The following FPGT variants were observed in gnomAD, a reference collection of about 807,000 sequenced individuals.
FPGT encodes the protein GDP-L-fucose diphosphorylase.
In FPGT, 41 loss-of-function variants were observed where a neutral mutation model predicts 45.8. That is an observed-to-expected ratio of 0.90 (90% CI 0.70 to 1.16). The LOEUF is 1.16. Among genes scored for constraint, FPGT ranks in the 50% most tolerant of loss-of-function variants. FPGT has a pLI of 0.00. For synonymous variants in FPGT, 292 were observed against 247.2 expected (o/e 1.18, Z -1.70); for missense variants, 755 against 689.1 (o/e 1.10, Z -1.07).
rs1651402915 is a variant in FPGT, at chr1:74,198,322, C to G, written c.44C>G (p.Ala15Gly). 1.2e-6 allele frequency: 2 copies of G among 1,614,144 alleles called. No individual in the cohort carries two copies. The highest frequency in any genetic ancestry group is 1.7e-6 in the Non-Finnish European group (2 of 1,180,026). The stretch of plus-strand genomic sequence containing the variant: ...CCTCCGGAAGTATCGCTGCGAGAAG[C>G]CACCCAGCGAAAATTGCGGAGGTTT... Reference protein sequence around the residue: ...RDPPEVSLREATQRKLRRFSE... With the variant: ...RDPPEVSLREGTQRKLRRFSE... The change falls in exon 1 of 4, where the codon GCC (alanine) becomes GGC (glycine). Residue 15 changes from alanine to glycine, a missense_variant. Transcript: ENST00000370898.
rs1652451042 is a variant in FPGT, at chr1:74,208,402, T to G, written c.*2570T>G. Reference sequence around the variant, plus strand: ...AAAGATAATTTTTTTCTGAGTTTTATCAGCAGTAGAAAAATAAGACCTACA... The same window carrying G: ...AAAGATAATTTTTTTCTGAGTTTTAGCAGCAGTAGAAAAATAAGACCTACA... On this transcript the variant is annotated 3_prime_UTR_variant, in exon 4 of 4. Transcript: ENST00000370898. Among the ~76,000 whole-genome samples the G allele has an allele frequency of 6.6e-6, 1 of 152,048 alleles. No individual in the cohort carries two copies.
rs1000113417 is a variant in FPGT at position 74,206,413 on chromosome 1, A to G, written c.*581A>G. The G allele has an allele frequency of 6.6e-6, 1 of 152,174 alleles. No individual in the cohort carries two copies. The highest frequency in any genetic ancestry group is 1.5e-5 in the Non-Finnish European group (1 of 67,994). 9.4% of individuals were successfully genotyped at this position (152,174 alleles called of 1,614,324 possible). Reference sequence around the variant, plus strand: ...ATAAAATTTGTATCTCATTAATTTTATCAAAATGAAACTAAAAGTACATAT... The same window carrying G: ...ATAAAATTTGTATCTCATTAATTTTGTCAAAATGAAACTAAAAGTACATAT... On this transcript the variant is annotated 3_prime_UTR_variant, in exon 4 of 4. Coordinates refer to ENST00000370898, the MANE Select transcript of FPGT (RefSeq NM_003838.5).
intron 3 of FPGT, among the ~76,000 whole-genome samples, chr1:74,204,117 C>T (rs1294772909): frequency 6.6e-6 from 1 of 150,892 alleles, no homozygotes; most frequent in African/African-American, 2.4e-5. Flanking sequence ...ACATGTAATT[C>T]AAAACATTTC....
In FPGT at chr1:74,208,320, A is replaced by G. The variant is rs997223700; in HGVS notation, c.*2488A>G. On this transcript the variant is annotated 3_prime_UTR_variant, in exon 4 of 4. Coordinates refer to ENST00000370898, the MANE Select transcript of FPGT (RefSeq NM_003838.5). ...GAGGAGAAGTGTGTTTTTGATAAGA[A>G]GTGACTAAATTTTGTGACAATCTTA... Among the ~76,000 whole-genome samples the G allele has an allele frequency of 2.6e-5, 4 of 152,008 alleles. No individual in the cohort carries two copies. Among genetic ancestry groups the G allele is most frequent in the Non-Finnish European group, 5.9e-5 (4 of 67,950 alleles).
Position 74,205,714 on chromosome 1 carries a change from T to C in FPGT, c.1667T>C (p.Leu556Pro). The change falls in exon 4 of 4, where the codon CTG becomes CCG. Residue 556 changes from leucine (L) to proline (P), a missense_variant. Physicochemically the swap from Leu to Pro is moderately conservative, Grantham distance 98. Transcript: ENST00000370898. ...NAVKNKSAFS[L>P]NSYKLLSIEE... is the part of the protein sequence containing the mutation. ...GTTAAGAACAAGTCAGCATTCAGCCTGAATAGCTATAAGTTGCTGTCCATT... is the reference window on the plus strand; with the variant it reads ...GTTAAGAACAAGTCAGCATTCAGCCCGAATAGCTATAAGTTGCTGTCCATT... The C allele has an allele frequency of 6.2e-7, 1 of 1,609,884 alleles. No homozygotes were observed. Among genetic ancestry groups the C allele is most frequent in the Admixed American group, 1.7e-5 (1 of 60,008 alleles).
In FPGT at chr1:74,206,779, T is replaced by TA. The variant is rs1652315685; in HGVS notation, c.*950dup. 1 of 152,118 alleles carries TA rather than the reference T, an allele frequency of 6.6e-6. No homozygotes were observed. Among genetic ancestry groups the TA allele is most frequent in the Non-Finnish European group, 1.5e-5 (1 of 67,974 alleles). The allele number at this position is 152,118 out of a possible 1,614,324, so 9.4% of individuals were successfully genotyped here. ...AAAAACTGAGATAATACACAGGTGA[T>TA]AAACAGTTTCGAGAAAATAAAAATT... On this transcript the variant is annotated 3_prime_UTR_variant, in exon 4 of 4. Transcript: ENST00000370898.
rs750735574 is a variant in FPGT, at chr1:74,199,838, G to A, written c.250+7G>A. On this transcript the variant is annotated splice_region_variant and intron_variant, in intron 2 of 3. Coordinates refer to ENST00000370898, the MANE Select transcript of FPGT (RefSeq NM_003838.5). ...CCTGCTGGAGCCAAAATTGGTACGC[G>A]CTTTATGGTCAGTTTTATAATATAG... is the stretch of plus-strand genomic sequence containing the variant. 55 of 1,612,314 alleles carry A rather than the reference G, an allele frequency of 3.4e-5. 1 individual carries two copies. Among genetic ancestry groups the A allele is most frequent in the Non-Finnish European group, 3.8e-5 (45 of 1,179,542 alleles).
In FPGT at chr1:74,205,916, A is replaced by G; in HGVS notation, c.*84A>G. The G allele has an allele frequency of 6.8e-6, 5 of 733,664 alleles. No homozygotes were observed. The South Asian group carries it at 9.3e-5, about 14-fold the overall frequency. 45.4% of individuals were successfully genotyped at this position (733,664 alleles called of 1,614,324 possible). On this transcript the variant is annotated 3_prime_UTR_variant, in exon 4 of 4. Transcript: ENST00000370898. ...TTTTGTAGGCTGTTTCACTGAACTC[A>G]GTTAATGAAAACTGTATTAACATAA...
At position 74,204,054 on chromosome 1, in the gene FPGT, AC is replaced by A. The variant is rs1165440089; in HGVS notation, c.344-336del. ...AAGACTTCATCTCAAAAAAAAAAAA[AC>A]AAATGTAGATGCAACATCATGTTTT... On this transcript the variant is annotated intron_variant, in intron 3 of 3. Coordinates refer to ENST00000370898, the MANE Select transcript of FPGT (RefSeq NM_003838.5). Among the ~76,000 whole-genome samples the A allele has an allele frequency of 1.9e-3, 290 of 149,160 alleles. 1 individual carries two copies. The highest frequency in any genetic ancestry group is 6.6e-3 in the African/African-American group (272 of 41,048).
At chr1:74,199,609 GC>G in intron 1 of FPGT, 54 bp from the exon 2 acceptor site, 2 of 1,572,330 alleles carry the variant, frequency 1.3e-6, no homozygotes. Context: ...CAAACCTGTG[GC>G]AACTAGAAAA....
chr1:74,199,764 G>T lies in FPGT; in HGVS notation c.183G>T (p.Leu61=). 4 of 1,614,138 alleles carry T rather than the reference G, an allele frequency of 2.5e-6. No individual in the cohort carries two copies. The highest frequency in any genetic ancestry group is 3.4e-6 in the Non-Finnish European group (4 of 1,180,014). Residue 61 remains leucine (L), a synonymous_variant, in exon 2 of 4, where the codon CTG becomes CTT. Transcript: ENST00000370898. ...ACAACCAACAGCTGTCAGAAAAGCTGAAAAGAAAGGAGTTACCCCTTGGAG... is the reference window on the plus strand; with the variant it reads ...ACAACCAACAGCTGTCAGAAAAGCTTAAAAGAAAGGAGTTACCCCTTGGAG... ...LAYNQQLSEK[L]KRKELPLGVQ... is the part of the protein sequence containing the mutation.
chr1:74,203,478 G>A (rs1020348722), intron 3 of FPGT, among the ~76,000 whole-genome samples: 4 of 151,096 alleles, frequency 2.6e-5, no homozygotes, highest in East Asian at 2.0e-4. Context: ...TGCAAGCTTC[G>A]CCTCCCGGGT....
rs1652410515 is a variant in FPGT, at chr1:74,207,889, A to G, written c.*2057A>G. 6.6e-6 allele frequency among the ~76,000 whole-genome samples: 1 copy of G among 152,090 alleles called. No individual in the cohort carries two copies. The highest frequency in any genetic ancestry group is 1.5e-5 in the Non-Finnish European group (1 of 67,974). ...TTTTAACCTAATCTGAATTTTAATC[A>G]TAATCCTGTACAATGCATGGATTCT... is the stretch of plus-strand genomic sequence containing the variant. On this transcript the variant is annotated 3_prime_UTR_variant, in exon 4 of 4. Coordinates refer to ENST00000370898, the MANE Select transcript of FPGT (RefSeq NM_003838.5).
At chr1:74,200,058 A>T (rs526736) in intron 2 of FPGT, among the ~76,000 whole-genome samples, 62,814 of 152,110 alleles carry the variant, frequency 0.41, 14,387 homozygotes, top group East Asian at 0.73. Context: ...ACTTAAAAGA[A>T]AATTTTATTA....
At chr1:74,199,859 T>C (rs779095739) in intron 2 of FPGT, 28 bp downstream of exon 2, 7 of 1,609,518 alleles carry the variant, frequency 4.3e-6, no homozygotes, top group African/African-American at 1.3e-5. Flanking sequence ...AGTTTTATAA[T>C]ATAGGTCCTA....
At chr1:74,198,409 G>A (rs200593681) in intron 1 of FPGT, 49 bp downstream of exon 1, 9 of 1,603,824 alleles carry the variant, frequency 5.6e-6, no homozygotes, top group Non-Finnish European at 6.8e-6. Context: ...GAGGGAGGGT[G>A]CTTTTACGTG....
At chr1:74,201,159 T>G (rs1369901386) in intron 2 of FPGT, among the ~76,000 whole-genome samples, 159 bp from the exon 3 acceptor site, 1 of 152,220 alleles carries the variant, frequency 6.6e-6, no homozygotes, top group African/African-American at 2.4e-5. Context: ...ATGAGATGTT[T>G]TTAATTTTGT....
At position 74,204,817 on chromosome 1, in the gene FPGT, A is replaced by C. The variant is rs1333919975; in HGVS notation, c.770A>C (p.Asp257Ala). The C allele has an allele frequency of 5.0e-6, 8 of 1,613,708 alleles. No homozygotes were observed. In the Admixed American group the frequency reaches 1.3e-4, roughly 27 times the overall value. ...TGTCAACAGGACTTTGCTGGGGGTGACATTGCCGATCTTAAATTAGACTCT... is the reference window on the plus strand; with the variant it reads ...TGTCAACAGGACTTTGCTGGGGGTGCCATTGCCGATCTTAAATTAGACTCT... ...NFCQQDFAGG[D>A]IADLKLDSDY... Residue 257 changes from aspartate to alanine, a missense_variant, in exon 4 of 4, where the codon GAC becomes GCC. Coordinates refer to ENST00000370898, the MANE Select transcript of FPGT (RefSeq NM_003838.5).
intron 1 of FPGT, among the ~76,000 whole-genome samples, chr1:74,198,677 G>T (rs1160332991): frequency 6.6e-6 from 1 of 152,128 alleles, no homozygotes; most frequent in Non-Finnish European, 1.5e-5. Context: ...AAATCTAAAA[G>T]ATACGAAGCA....
Sources: allele counts gnomAD v4.1 joint callset (sites outside exome capture counted in the v4.1 genomes callset), GRCh38; gene constraint gnomAD v4.1.1; transcripts MANE v1.5; gene names NCBI Gene and HGNC (gene_info 2026-07-23, HGNC 2026-07-21).